The following ALPK3 variants were observed in gnomAD, a reference collection of about 807,000 sequenced individuals.
The protein encoded by ALPK3 is alpha-protein kinase 3.
In ALPK3, 102 loss-of-function variants were observed where a neutral mutation model predicts 140.0. That is an observed-to-expected ratio of 0.73 (90% CI 0.62 to 0.86). ALPK3 has a LOEUF of 0.86. Ranked by LOEUF, ALPK3 falls within the 40% of genes least tolerant of loss-of-function variation. The pLI is 0.00. For synonymous variants in ALPK3, 938 were observed against 898.5 expected, an observed-to-expected ratio of 1.04 and a Z score of -0.79; for missense variants, 2,254 against 2,208.2, an observed-to-expected ratio of 1.02 and a Z score of -0.42.
chr15:84,864,681 G>A lies in ALPK3; in HGVS notation c.4723+16G>A, dbSNP rs1299509017. ...GACTTGGCAGGTACGAGGGTGTGAG[G>A]GTGCACGGGTACGCATGTGCATGGA... On this transcript the variant is annotated intron_variant, in intron 12 of 13. Coordinates refer to ENST00000258888, the MANE Select transcript of ALPK3 (RefSeq NM_020778.5). 9.3e-6 allele frequency: 15 copies of A among 1,611,120 alleles called. No individual in the cohort carries two copies. In the South Asian group the frequency reaches 1.6e-4, roughly 18 times the overall value.
intron 4 of ALPK3, 95 bp from the exon 5 acceptor site, chr15:84,839,607 G>C: frequency 1.5e-6 from 2 of 1,363,284 alleles, no homozygotes; most frequent in Non-Finnish European, 2.0e-6. Flanking sequence ...TAGGGAGGGG[G>C]AAGTGTGCCC....
intron 5 of ALPK3, among the ~76,000 whole-genome samples, chr15:84,846,453 A>G (rs1382655049): frequency 6.6e-6 from 1 of 152,222 alleles, no homozygotes; most frequent in Non-Finnish European, 1.5e-5. Context: ...AAACAAATGG[A>G]AAGATAGAAA....
In ALPK3 at chr15:84,872,197, T is replaced by G. The variant is rs945915056; in HGVS notation, c.*3741T>G. The G allele has an allele frequency of 3.9e-5, 6 of 152,242 alleles. No individual in the cohort carries two copies. Among genetic ancestry groups the G allele is most frequent in the Non-Finnish European group, 7.3e-5 (5 of 68,052 alleles). The allele number at this position is 152,242 out of a possible 1,614,324, so 9.4% of individuals were successfully genotyped here. A position where few individuals can be genotyped will look rare whatever the true frequency, so the allele number is the denominator to read the frequency against. On this transcript the variant is annotated 3_prime_UTR_variant, in exon 14 of 14. Coordinates refer to ENST00000258888, the MANE Select transcript of ALPK3 (RefSeq NM_020778.5). ...CCACCAAGTGTGCCAGGGCCAAGTG[T>G]TCAGGCTCTCCCAGAGCCCAGTGGT...
chr15:84,858,534 A>C lies in ALPK3; in HGVS notation c.3796A>C (p.Lys1266Gln). 2 of 1,588,714 alleles carry C rather than the reference A, an allele frequency of 1.3e-6. No individual in the cohort carries two copies. Among genetic ancestry groups the C allele is most frequent in the Non-Finnish European group, 1.7e-6 (2 of 1,175,060 alleles). The change falls in exon 6 of 14, where the codon AAA becomes CAA. Residue 1266 changes from lysine (K) to glutamine (Q), a missense_variant. By Grantham distance (53) the Lys-to-Gln change is moderately conservative. Transcript: ENST00000258888. ...GCAGGAGACACTGGCCAAGCCCAGG[A>C]AAGCCAAAGACCTGCTGAAAGGTGA... The part of the protein sequence containing the change: ...GKQETLAKPR[K>Q]AKDLLKAPQV...
Position 84,856,458 on chromosome 15 carries a change from A to T in ALPK3, c.1720A>T (p.Ile574Phe), listed in dbSNP as rs1173462320. The T allele has an allele frequency of 6.2e-7, 1 of 1,614,028 alleles. No individual in the cohort carries two copies. Among genetic ancestry groups the T allele is most frequent in the Admixed American group, 1.7e-5 (1 of 60,016 alleles). The change falls in exon 6 of 14, where the codon ATT becomes TTT. Residue 574 changes from isoleucine to phenylalanine, a missense_variant. By Grantham distance (21) the Ile-to-Phe change is conservative. Transcript: ENST00000258888. The stretch of plus-strand genomic sequence containing the variant: ...CAGCAGCAGCTCTGATGTAGCCTCC[A>T]TTGGGGTTAGCACTTCCGGAAGTCA... ...SASSSSDVASIGVSTSGSQGI... is the reference protein window; with the variant it reads ...SASSSSDVASFGVSTSGSQGI...
chr15:84,850,652 A>G (rs904431955), intron 5 of ALPK3, among the ~76,000 whole-genome samples: 1 of 151,982 alleles, frequency 6.6e-6, no homozygotes, highest in African/African-American at 2.4e-5. Flanking sequence ...TTCCCAAAGC[A>G]CTGGGATTCT....
At chr15:84,861,978 G>A (rs1173000849) in intron 9 of ALPK3, among the ~76,000 whole-genome samples, 1 of 152,140 alleles carries the variant, frequency 6.6e-6, no homozygotes, top group East Asian at 1.9e-4. Context: ...GCCCCTTCAG[G>A]TTGGCCCCTG....
At position 84,856,602 on chromosome 15, in the gene ALPK3, A is replaced by G; in HGVS notation, c.1864A>G (p.Thr622Ala). 6.2e-7 allele frequency: 1 copy of G among 1,614,140 alleles called. No individual in the cohort carries two copies. The highest frequency in any genetic ancestry group is 8.5e-7 in the Non-Finnish European group (1 of 1,180,030). The change falls in exon 6 of 14, where the codon ACC (threonine) becomes GCC (alanine). Residue 622 changes from threonine (T) to alanine (A), a missense_variant. Around this residue, in one of 3 missense-constraint regions of ALPK3, gnomAD observed 2,088 missense variants for 2,022.9 expected, o/e 1.03. Transcript: ENST00000258888. Reference protein sequence around the residue: ...ADGKIQVDGRTRGDGTQTAQR... With the variant: ...ADGKIQVDGRARGDGTQTAQR... The stretch of plus-strand genomic sequence containing the variant: ...TGGGAAGATACAAGTGGATGGAAGG[A>G]CCAGGGGAGATGGAACACAGACAGC...
intron 10 of ALPK3, 116 bp downstream of exon 10, chr15:84,863,031 T>C: frequency 7.3e-7 from 1 of 1,374,596 alleles, no homozygotes; most frequent in East Asian, 2.3e-5. Flanking sequence ...AGTCTCAACC[T>C]TATGAGGCTC....
chr15:84,826,122 C>T (rs1490079835), intron 2 of ALPK3, among the ~76,000 whole-genome samples: 2 of 152,216 alleles, frequency 1.3e-5, no homozygotes, highest in African/African-American at 2.4e-5. Flanking sequence ...CCCATCAGTT[C>T]AGAAGTCTTA....
At chr15:84,858,709 T>C (rs1223144327) in intron 6 of ALPK3, among the ~76,000 whole-genome samples, 154 bp downstream of exon 6, 1 of 152,220 alleles carries the variant, frequency 6.6e-6, no homozygotes, top group East Asian at 1.9e-4. Context: ...TCTCACAGCC[T>C]TTAAGGCCTG....
At chr15:84,867,228 TA>T in intron 12 of ALPK3, 88 bp from the exon 13 acceptor site, 2 of 1,411,162 alleles carry the variant, frequency 1.4e-6, no homozygotes, top group Admixed American at 1.8e-5. Flanking sequence ...GACATGGTTC[TA>T]AGCCACCCAG....
Position 84,817,526 on chromosome 15 carries a change from A to G in ALPK3, c.74A>G (p.Asp25Gly). The G allele has an allele frequency of 6.7e-7, 1 of 1,486,760 alleles. No homozygotes were observed. The highest frequency in any genetic ancestry group is 1.5e-5 in the African/African-American group (1 of 68,338). The allele number at this position is 1,486,760 out of a possible 1,614,324, so 92.1% of individuals were successfully genotyped here. A position where few individuals can be genotyped will look rare whatever the true frequency, so the allele number is the denominator to read the frequency against. The change falls in exon 1 of 14, where the codon GAC (aspartate) becomes GGC (glycine). Residue 25 changes from aspartate to glycine, a missense_variant. Coordinates refer to ENST00000258888, the MANE Select transcript of ALPK3 (RefSeq NM_020778.5). ...TCGGGGGCGGGGGGCGACGGTGAGG[A>G]CGACGGCCCCGTGTGGATCCCCAGC... The part of the protein sequence containing the change: ...GRSGAGGDGE[D>G]DGPVWIPSPA...
chr15:84,858,440 G>T lies in ALPK3; in HGVS notation c.3702G>T (p.Ala1234=). 1 of 1,565,430 alleles carries T rather than the reference G, an allele frequency of 6.4e-7. No homozygotes were observed. Among genetic ancestry groups the T allele is most frequent in the Non-Finnish European group, 8.6e-7 (1 of 1,158,714 alleles). The change falls in exon 6 of 14, where the codon GCG becomes GCT. Residue 1234 remains alanine, a synonymous_variant. Coordinates refer to ENST00000258888, the MANE Select transcript of ALPK3 (RefSeq NM_020778.5). ...LEVPRAEEEL[A]AGDLGPSPKA... ...TGCCTCGGGCAGAGGAGGAGCTGGC[G>T]GCAGGAGACCTGGGCCCCAGCCCCA...
At chr15:84,829,607 CTGGG>C (rs1409997862) in intron 3 of ALPK3, among the ~76,000 whole-genome samples, 1 of 152,166 alleles carries the variant, frequency 6.6e-6, no homozygotes, top group African/African-American at 2.4e-5. Context: ...GGGTGGTCCT[CTGGG>C]TGCACATGCG....
Position 84,839,027 on chromosome 15 carries a change from G to A in ALPK3, c.352G>A (p.Asp118Asn), listed in dbSNP as rs1348153904. The A allele has an allele frequency of 1.9e-6, 3 of 1,613,996 alleles. No individual in the cohort carries two copies. Among genetic ancestry groups the A allele is most frequent in the Non-Finnish European group, 2.5e-6 (3 of 1,179,938 alleles). The change falls in exon 4 of 14, where the codon GAC (aspartate) becomes AAC (asparagine). Residue 118 changes from aspartate (D) to asparagine (N), a missense_variant. Transcript: ENST00000258888. ...CTGGTACAAGGATGATACGGAGCTGGACCGCTACTGTGGCTTGCCAAAATA... is the reference window on the plus strand; with the variant it reads ...CTGGTACAAGGATGATACGGAGCTGAACCGCTACTGTGGCTTGCCAAAATA... ...VTWYKDDTEL[D>N]RYCGLPKYEI...
chr15:84,861,697 G>T (rs901304093), intron 9 of ALPK3, among the ~76,000 whole-genome samples: 2 of 152,004 alleles, frequency 1.3e-5, no homozygotes, highest in Non-Finnish European at 2.9e-5. Context: ...TGATTATTTG[G>T]TTATCCCAAT....
At chr15:84,843,568 G>A (rs1378883371) in intron 5 of ALPK3, among the ~76,000 whole-genome samples, 1 of 152,136 alleles carries the variant, frequency 6.6e-6, no homozygotes, top group East Asian at 1.9e-4. Flanking sequence ...TAGTCTCACG[G>A]TATTGAGTTA....
At chr15:84,867,650 G>A (rs947372419) in intron 13 of ALPK3, among the ~76,000 whole-genome samples, 2 of 152,168 alleles carry the variant, frequency 1.3e-5, no homozygotes, top group East Asian at 1.9e-4. Flanking sequence ...GTGCCGATGA[G>A]TAAGGGTCCT....
Sources: allele counts gnomAD v4.1 joint callset (sites outside exome capture counted in the v4.1 genomes callset), GRCh38; gene constraint gnomAD v4.1.1; regional missense constraint gnomAD v4.1.1; transcripts MANE v1.5; gene names NCBI Gene and HGNC (gene_info 2026-07-23, HGNC 2026-07-21).